NFATC1: variants seen among roughly 807,000 people sequenced by gnomAD.
NFATC1 encodes the protein nuclear factor of activated T cells 1.
Under a neutral mutation model 76.0 loss-of-function variants are expected in NFATC1, and 22 were observed. The ratio of observed to expected loss-of-function variants is 0.29; its 90% CI spans 0.21 to 0.41. The LOEUF is 0.41. Ranked by LOEUF, NFATC1 falls within the 10% of genes least tolerant of loss-of-function variation. NFATC1 has a pLI of 1.00. For synonymous variants in NFATC1, 704 were observed against 613.1 expected (o/e 1.15, Z -2.19); for missense variants, 1,357 against 1,337.7 (o/e 1.01, Z -0.23).
chr18:79,453,037 A>T (rs2087539482), intron 6 of NFATC1, among the ~76,000 whole-genome samples: 2 of 152,316 alleles, frequency 1.3e-5, no homozygotes, highest in South Asian at 4.1e-4. Context: ...TTAATTGGAA[A>T]ACATGTTTTA....
At chr18:79,459,758 A>G (rs931194513) in intron 6 of NFATC1, among the ~76,000 whole-genome samples, 2 of 152,166 alleles carry the variant, frequency 1.3e-5, no homozygotes, top group African/African-American at 4.8e-5. Context: ...AAAGTTCAAA[A>G]GTCATTTTCA....
intron 2 of NFATC1, among the ~76,000 whole-genome samples, chr18:79,429,677 C>A (rs1485825252): frequency 6.6e-6 from 1 of 152,184 alleles, no homozygotes. Flanking sequence ...TTTGTCTGAA[C>A]CAGAGACACA....
intron 9 of NFATC1, among the ~76,000 whole-genome samples, chr18:79,525,124 C>T (rs1320154031): frequency 3.0e-5 from 1 of 33,574 alleles, no homozygotes; most frequent in Non-Finnish European, 5.7e-5. Flanking sequence ...CGTTACCCCT[C>T]AGTCCTCCCC....
chr18:79,444,627 A>G (rs992843480), intron 3 of NFATC1, among the ~76,000 whole-genome samples: 1 of 151,800 alleles, frequency 6.6e-6, no homozygotes, highest in Non-Finnish European at 1.5e-5. Context: ...GCTCACGTAC[A>G]ACCTGGCAGA....
At chr18:79,471,992 G>A (rs1040467999) in intron 8 of NFATC1, among the ~76,000 whole-genome samples, 19 of 152,204 alleles carry the variant, frequency 1.2e-4, no homozygotes, top group Admixed American at 1.2e-3. Context: ...GGGGTAGAAA[G>A]GGGAATAGAT....
At chr18:79,439,651 G>A (rs2144705793) in intron 3 of NFATC1, among the ~76,000 whole-genome samples, 1 of 152,344 alleles carries the variant, frequency 6.6e-6, no homozygotes, top group African/African-American at 2.4e-5. Context: ...AGCTGGGAGA[G>A]CACACATGGT....
chr18:79,410,486 A>C lies in NFATC1; in HGVS notation c.211A>C (p.Asn71His), dbSNP rs541110801. The C allele has an allele frequency of 6.2e-7, 1 of 1,612,136 alleles. No homozygotes were observed. Among genetic ancestry groups the C allele is most frequent in the African/African-American group, 1.3e-5 (1 of 74,918 alleles). The change falls in exon 2 of 10, where the codon AAC becomes CAC. Residue 71 changes from asparagine to histidine, a missense_variant. Physicochemically the swap from Asn to His is moderately conservative, Grantham distance 68. This residue lies in a region of NFATC1 where 691 missense variants were observed against 613.1 expected (regional missense o/e 1.13). Transcript: ENST00000427363. The surrounding 1 kb of genome is among the most constrained non-coding windows in gnomAD (Gnocchi z 6.7). ...AHSTLPAPCH[N>H]LQTSTPGIIP... ...CTCCACCCTGCCGGCCCCGTGCCAC[A>C]ACCTTCAGACCTCCACACCGGGCAT... is the stretch of plus-strand genomic sequence containing the variant.
intron 3 of NFATC1, among the ~76,000 whole-genome samples, chr18:79,444,459 ACCCCAGC>A (rs1403769081): frequency 3.5e-5 from 4 of 113,586 alleles, no homozygotes; most frequent in Non-Finnish European, 6.9e-5. Flanking sequence ...CTGGAGGGAG[ACCCCAGC>A]TTCCCCCGCC....
intron 1 of NFATC1, among the ~76,000 whole-genome samples, chr18:79,409,113 CA>C (rs1324528872): frequency 1.0e-5 from 1 of 97,246 alleles, no homozygotes; most frequent in Non-Finnish European, 2.5e-5. Context: ...ATCCATCCAT[CA>C]AACCATTATT....
chr18:79,396,797 G>GC (rs1214206496), intron 1 of NFATC1, among the ~76,000 whole-genome samples: 2 of 151,716 alleles, frequency 1.3e-5, no homozygotes, highest in Non-Finnish European at 2.9e-5. Flanking sequence ...GGGGTTCTGC[G>GC]CCCCCCACCC....
At chr18:79,447,107 G>A (rs1568972707) in intron 3 of NFATC1, among the ~76,000 whole-genome samples, 1 of 152,218 alleles carries the variant, frequency 6.6e-6, no homozygotes, top group Admixed American at 6.5e-5. Flanking sequence ...CTCCCTGGCG[G>A]GGCTCTGAGT....
rs2090807431 is a variant in NFATC1, at chr18:79,527,742, A to G, written c.*165A>G. On this transcript the variant is annotated 3_prime_UTR_variant, in exon 10 of 10. Coordinates refer to ENST00000427363, the MANE Select transcript of NFATC1 (RefSeq NM_001278669.2). ...GTGCAAAGATTGGCTCTCCAACAAGAAGGAAAGCAGGGAGGAAGGGAGACC... is the reference window on the plus strand; with the variant it reads ...GTGCAAAGATTGGCTCTCCAACAAGGAGGAAAGCAGGGAGGAAGGGAGACC... 7.7e-6 allele frequency: 5 copies of G among 646,852 alleles called. No homozygotes were observed. Among genetic ancestry groups the G allele is most frequent in the Non-Finnish European group, 1.3e-5 (5 of 370,566 alleles). The allele number at this position is 646,852 out of a possible 1,614,324, so 40.1% of individuals were successfully genotyped here. A position where few individuals can be genotyped will look rare whatever the true frequency, so the allele number is the denominator to read the frequency against.
chr18:79,505,646 C>CTG (rs2090103059), intron 9 of NFATC1, among the ~76,000 whole-genome samples: 1 of 79,560 alleles, frequency 1.3e-5, no homozygotes, highest in South Asian at 4.8e-4. Context: ...AGGTGGTGGA[C>CTG]GAGACCCTTG....
chr18:79,427,420 T>G (rs2086390016), intron 2 of NFATC1, among the ~76,000 whole-genome samples: 1 of 58,024 alleles, frequency 1.7e-5, no homozygotes, highest in African/African-American at 8.1e-5. Flanking sequence ...CTGGCCTCTG[T>G]GCGGTGGGTG....
chr18:79,436,858 G>C (rs984178666), intron 3 of NFATC1, among the ~76,000 whole-genome samples: 4 of 152,110 alleles, frequency 2.6e-5, no homozygotes, highest in Non-Finnish European at 2.9e-5. Context: ...TGAGCACTGA[G>C]CGTGCCCCCT....
Position 79,473,411 on chromosome 18 carries a change from GCTCA to G in NFATC1, c.2092+5832_2092+5835del, listed in dbSNP as rs201184491. Among the ~76,000 whole-genome samples the G allele has an allele frequency of 8.1e-3, 1,232 of 152,044 alleles. 17 individuals carry two copies. The highest frequency in any genetic ancestry group is 0.028 in the African/African-American group (1,149 of 41,460). On this transcript the variant is annotated intron_variant, in intron 8 of 9. Transcript: ENST00000427363. Reference sequence around the variant, plus strand: ...CGTTGCGAGGGAAGCGTGTTCTCATGCTCACTGTCAACATTGTAAACCTGAGGGA... The same window carrying G: ...CGTTGCGAGGGAAGCGTGTTCTCATGCTGTCAACATTGTAAACCTGAGGGA...
intron 2 of NFATC1, among the ~76,000 whole-genome samples, chr18:79,412,172 G>C (rs1202233252): frequency 6.6e-6 from 1 of 152,246 alleles, no homozygotes; most frequent in African/African-American, 2.4e-5. Flanking sequence ...CGTGTGAGGG[G>C]CTGCTGGAAT....
chr18:79,439,325 C>T (rs932766552), intron 3 of NFATC1, among the ~76,000 whole-genome samples: 1 of 152,190 alleles, frequency 6.6e-6, no homozygotes, highest in Non-Finnish European at 1.5e-5. Flanking sequence ...TGCAGAACCT[C>T]AAACAGCAGC....
Position 79,486,693 on chromosome 18 carries a change from C to G in NFATC1, c.2538C>G (p.Ser846Arg), listed in dbSNP as rs1252680272. 6 of 1,599,756 alleles carry G rather than the reference C, an allele frequency of 3.8e-6. No individual in the cohort carries two copies. The highest frequency in any genetic ancestry group is 5.1e-6 in the Non-Finnish European group (6 of 1,175,654). The change falls in exon 9 of 10, where the codon AGC (serine) becomes AGG (arginine). Residue 846 changes from serine to arginine, a missense_variant. By Grantham distance (110) the Ser-to-Arg change is moderately radical. Transcript: ENST00000427363. ...TCGAACACTCGCTCTGCCCCAGCAG[C>G]CCCTCTCCTCCACTCCCGCCTGCCA... is the stretch of plus-strand genomic sequence containing the variant. ...PGLEHSLCPS[S>R]PSPPLPPATQ... is the part of the protein sequence containing the mutation.
Sources: gnomAD v4.1 joint callset for allele counts (sites outside exome capture counted in the v4.1 genomes callset) on GRCh38, gnomAD v4.1.1 for gene constraint, gnomAD v4.1.1 regional missense constraint, Gnocchi (gnomAD v3.1) non-coding constraint, MANE v1.5 for transcripts, NCBI Gene and HGNC (gene_info 2026-07-23, HGNC 2026-07-21) for gene names.